Variants in SOX5 observed in about 807,000 individuals in gnomAD.
SOX5 encodes the protein transcription factor SOX-5.
A neutral mutation model predicts 92.0 loss-of-function variants in SOX5; 9 were observed. That is an observed-to-expected ratio of 0.10 (90% CI 0.06 to 0.17). The LOEUF (loss-of-function observed/expected upper bound fraction) is 0.17. Ranked by LOEUF, SOX5 falls within the 10% of genes least tolerant of loss-of-function variation. The pLI is 1.00. For missense variants in SOX5, 642 were observed against 944.5 expected, an observed-to-expected ratio of 0.68 and a Z score of 4.20; for synonymous variants, 344 against 336.3, an observed-to-expected ratio of 1.02 and a Z score of -0.25.
At chr12:23,665,315 T>G in intron 7 of SOX5, 129 bp downstream of exon 7, 1 of 998,382 alleles carries the variant, frequency 1.0e-6, no homozygotes. Flanking sequence ...ACACATTCTG[T>G]GTGTTTCCTC....
At chr12:24,489,491 A>G (rs1457981067) in intron 1 of SOX5, among the ~76,000 whole-genome samples, 2 of 152,170 alleles carry the variant, frequency 1.3e-5, no homozygotes, top group African/African-American at 2.4e-5. Flanking sequence ...AGGCCCAGAG[A>G]GAGCATGCCT....
intron 4 of SOX5, among the ~76,000 whole-genome samples, chr12:24,161,942 T>C (rs1025724935): frequency 6.6e-6 from 1 of 152,026 alleles, no homozygotes; most frequent in South Asian, 2.1e-4. Flanking sequence ...GATACAAAAA[T>C]ATGGTTTTGA....
intron 3 of SOX5, among the ~76,000 whole-genome samples, chr12:23,774,215 A>C (rs181493721): frequency 5.6e-4 from 85 of 152,304 alleles, no homozygotes; most frequent in African/African-American, 1.9e-3. Context: ...CTCTAGAACA[A>C]ATAACTGAAA....
intron 1 of SOX5, among the ~76,000 whole-genome samples, chr12:23,901,161 G>A (rs999720531): frequency 3.9e-5 from 6 of 152,132 alleles, no homozygotes; most frequent in African/African-American, 1.4e-4. Flanking sequence ...AGAGGGAGAA[G>A]AAAAGTCAGA....
At chr12:23,664,992 G>C (rs1593085362) in intron 7 of SOX5, among the ~76,000 whole-genome samples, 1 of 152,102 alleles carries the variant, frequency 6.6e-6, no homozygotes, top group East Asian at 1.9e-4. Context: ...TGCGAGTCCA[G>C]AGTCAAGAAA....
chr12:24,228,648 CTG>C (rs1271626532), intron 3 of SOX5, among the ~76,000 whole-genome samples: 2 of 152,074 alleles, frequency 1.3e-5, no homozygotes, highest in Non-Finnish European at 2.9e-5. Flanking sequence ...CAGAAATATT[CTG>C]TGTGTGTGTG....
chr12:23,740,194 A>G (rs2093745650), intron 5 of SOX5, among the ~76,000 whole-genome samples: 1 of 152,194 alleles, frequency 6.6e-6, no homozygotes, highest in African/African-American at 2.4e-5. Context: ...CTTGACAGGA[A>G]CTGTAATTCA....
chr12:24,331,864 A>AT (rs1951360630), intron 2 of SOX5, among the ~76,000 whole-genome samples: 2 of 150,060 alleles, frequency 1.3e-5, no homozygotes, highest in Non-Finnish European at 3.0e-5. Flanking sequence ...AAAAAAAAAA[A>AT]AAAAAAAAAA....
At chr12:24,258,174 A>ACAC (rs1555200492) in intron 3 of SOX5, among the ~76,000 whole-genome samples, 1 of 151,846 alleles carries the variant, frequency 6.6e-6, no homozygotes, top group Non-Finnish European at 1.5e-5. Context: ...TCCGTCAAAA[A>ACAC]ACACACACAC....
At chr12:24,254,306 A>G (rs1940736447) in intron 3 of SOX5, among the ~76,000 whole-genome samples, 1 of 151,870 alleles carries the variant, frequency 6.6e-6, no homozygotes, top group African/African-American at 2.4e-5. Context: ...TAGAAAATGT[A>G]TCTCTATTGC....
chr12:24,513,111 C>G (rs1478448831), intron 1 of SOX5, among the ~76,000 whole-genome samples: 2 of 152,218 alleles, frequency 1.3e-5, no homozygotes, highest in Admixed American at 1.3e-4. Context: ...GCCATGCAAC[C>G]ATGCAGCTAA....
At chr12:24,067,095 G>C (rs1940873429) in intron 4 of SOX5, among the ~76,000 whole-genome samples, 1 of 152,172 alleles carries the variant, frequency 6.6e-6, no homozygotes. Context: ...AATGAACTCT[G>C]ATTGACATGA....
In SOX5 at chr12:23,896,691, A is replaced by G. The variant is rs1457105670; in HGVS notation, c.39-667T>C. ...AATTACCCAATTTGGGCATTTAGTTATAATAACAAAGTTGCAAGGTAGTAA... is the reference window on the plus strand; with the variant it reads ...AATTACCCAATTTGGGCATTTAGTTGTAATAACAAAGTTGCAAGGTAGTAA... On this transcript the variant is annotated intron_variant, in intron 1 of 14. Coordinates refer to ENST00000451604, the MANE Select transcript of SOX5 (RefSeq NM_006940.6). Among the ~76,000 whole-genome samples, 5 of 149,752 alleles carry G rather than the reference A, an allele frequency of 3.3e-5. No individual in the cohort carries two copies. The East Asian group carries it at 1.0e-3, about 30-fold the overall frequency.
At chr12:24,081,996 T>A (rs1943395659) in intron 4 of SOX5, among the ~76,000 whole-genome samples, 1 of 151,944 alleles carries the variant, frequency 6.6e-6, no homozygotes, top group Non-Finnish European at 1.5e-5. Flanking sequence ...TGGGATAGAT[T>A]TTCCCACCGT....
intron 13 of SOX5, among the ~76,000 whole-genome samples, chr12:23,539,261 A>G (rs1168882277): frequency 6.6e-6 from 1 of 152,182 alleles, no homozygotes; most frequent in East Asian, 1.9e-4. Flanking sequence ...TATATTTCCT[A>G]CTATGTACAT....
chr12:24,097,427 C>T (rs1026900498), intron 4 of SOX5, among the ~76,000 whole-genome samples: 13 of 151,666 alleles, frequency 8.6e-5, no homozygotes, highest in African/African-American at 2.2e-4. Flanking sequence ...GTCATATCTA[C>T]GAAACAACTG....
intron 1 of SOX5, among the ~76,000 whole-genome samples, chr12:24,390,908 T>G (rs11047410): frequency 0.073 from 11,156 of 152,200 alleles, 461 homozygotes; most frequent in Middle Eastern, 0.099. Context: ...AGGTATACCT[T>G]GGACATATTG....
At chr12:24,240,094 C>G (rs1020666650) in intron 3 of SOX5, among the ~76,000 whole-genome samples, 24 of 152,088 alleles carry the variant, frequency 1.6e-4, no homozygotes, top group Admixed American at 6.6e-5. Context: ...CTGAGTATTC[C>G]TTTTAAAAAA....
chr12:24,185,264 C>A (rs1426793068), intron 4 of SOX5, among the ~76,000 whole-genome samples: 1 of 152,108 alleles, frequency 6.6e-6, no homozygotes, highest in Non-Finnish European at 1.5e-5. Context: ...TATGTAATCA[C>A]TTCCCATTGC....
Sources: allele counts gnomAD v4.1 joint callset (sites outside exome capture counted in the v4.1 genomes callset), GRCh38; gene constraint gnomAD v4.1.1; transcripts MANE v1.5; gene names NCBI Gene and HGNC (gene_info 2026-07-23, HGNC 2026-07-21).